The following VPS13A variants were observed in gnomAD, a reference collection of about 807,000 sequenced individuals.
VPS13A encodes the protein vacuolar protein sorting 13 homolog A, also known as intermembrane lipid transfer protein VPS13A.
VPS13A carries 264 observed loss-of-function variants against 390.9 expected under a neutral mutation model. The ratio of observed to expected loss-of-function variants is 0.68; its 90% CI spans 0.61 to 0.75. The LOEUF (loss-of-function observed/expected upper bound fraction) is 0.75, where lower values mean the gene tolerates loss of function less well. VPS13A is among the 30% of genes least tolerant of loss of function. The probability of loss-of-function intolerance (pLI) is 0.00; values close to 1 mark genes in which losing one functional copy is unlikely to be tolerated. For missense variants in VPS13A, 3,409 were observed against 3,733.9 expected (o/e 0.91, Z 2.27); for synonymous variants, 1,231 against 1,227.1 (o/e 1.00, Z -0.07).
intron 22 of VPS13A, among the ~76,000 whole-genome samples, chr9:77,255,391 C>T (rs1825382832): frequency 6.6e-6 from 1 of 152,040 alleles, no homozygotes; most frequent in Non-Finnish European, 1.5e-5. Flanking sequence ...TCCTCTTATT[C>T]TAGGAATAAA....
intron 22 of VPS13A, among the ~76,000 whole-genome samples, chr9:77,255,790 A>T (rs1342221153): frequency 6.6e-6 from 1 of 151,962 alleles, no homozygotes; most frequent in Non-Finnish European, 1.5e-5. Context: ...TTGGTGTAAA[A>T]TTGTTTGTAA....
At chr9:77,260,319 C>A in intron 23 of VPS13A, 95 bp downstream of exon 23, 7 of 1,175,698 alleles carry the variant, frequency 6.0e-6, no homozygotes, top group East Asian at 2.7e-5. Flanking sequence ...AGACAATTTG[C>A]AATTTGTTTT....
intron 10 of VPS13A, among the ~76,000 whole-genome samples, chr9:77,216,194 C>T (rs2131163635): frequency 1.3e-5 from 2 of 152,274 alleles, no homozygotes; most frequent in Middle Eastern, 6.8e-3. Flanking sequence ...TTTTTCTCTA[C>T]ATTCTCTGCC....
chr9:77,220,868 C>G (rs1823171973), intron 12 of VPS13A, among the ~76,000 whole-genome samples: 1 of 152,096 alleles, frequency 6.6e-6, no homozygotes, highest in African/African-American at 2.4e-5. Context: ...GTTACAATTA[C>G]TCTTTCAGTT....
intron 52 of VPS13A, among the ~76,000 whole-genome samples, chr9:77,349,929 C>A (rs1587637516): frequency 6.6e-6 from 1 of 152,116 alleles, no homozygotes; most frequent in East Asian, 1.9e-4. Context: ...CAGGCATGAA[C>A]CACCGCGCCC....
intron 63 of VPS13A, among the ~76,000 whole-genome samples, 154 bp downstream of exon 63, chr9:77,369,566 T>C (rs949840643): frequency 6.6e-6 from 1 of 152,202 alleles, no homozygotes; most frequent in Admixed American, 6.5e-5. Context: ...TAAGAGGTTT[T>C]GGGGGACATT....
intron 61 of VPS13A, 144 bp downstream of exon 61, chr9:77,367,016 T>C (rs749649827): frequency 4.3e-6 from 3 of 694,078 alleles, no homozygotes; most frequent in Non-Finnish European, 4.8e-6. Flanking sequence ...AAGTGCAATC[T>C]GAATAACACC....
chr9:77,214,183 G>C, intron 9 of VPS13A, 146 bp from the exon 10 acceptor site: 1 of 673,222 alleles, frequency 1.5e-6, no homozygotes, highest in Non-Finnish European at 2.7e-6. Flanking sequence ...GGCTGAGGCA[G>C]GAGAATCGCA....
Position 77,238,309 on chromosome 9 carries a change from C to T in VPS13A, c.1823C>T (p.Pro608Leu). Residue 608 changes from proline (P) to leucine (L), a missense_variant, in exon 19 of 72, where the codon CCA becomes CTA. Around this residue, in one of 5 missense-constraint regions of VPS13A, gnomAD observed 2,717 missense variants for 2,917.4 expected, o/e 0.93. Coordinates refer to ENST00000360280, the MANE Select transcript of VPS13A (RefSeq NM_033305.3). The part of the protein sequence containing the change: ...VNSIVEFFRP[P>L]KEVHLAQLTA... The stretch of plus-strand genomic sequence containing the variant: ...AGTATAGTGGAATTCTTCAGACCTC[C>T]AAAAGAGGTACATCTAGCACAGCTC... The T allele has an allele frequency of 6.2e-7, 1 of 1,613,850 alleles. No individual in the cohort carries two copies. Among genetic ancestry groups the T allele is most frequent in the African/African-American group, 1.3e-5 (1 of 74,984 alleles).
chr9:77,322,293 A>G lies in VPS13A; in HGVS notation c.5830+547A>G, dbSNP rs1304986368. Among the ~76,000 whole-genome samples, 5 of 151,546 alleles carry G rather than the reference A, an allele frequency of 3.3e-5. No homozygotes were observed. In the East Asian group the frequency reaches 7.7e-4, roughly 23 times the overall value. On this transcript the variant is annotated intron_variant, in intron 44 of 71. Coordinates refer to ENST00000360280, the MANE Select transcript of VPS13A (RefSeq NM_033305.3). ...TTCATTTTTATTGGAGGTGAAATAT[A>G]TACATTCTTAAAGTATCATAATATG...
intron 59 of VPS13A, among the ~76,000 whole-genome samples, chr9:77,364,369 G>A (rs1261727933): frequency 1.3e-5 from 2 of 152,086 alleles, no homozygotes; most frequent in Non-Finnish European, 2.9e-5. Flanking sequence ...AAGTTGCAGT[G>A]AGCCGAGATC....
In VPS13A at chr9:77,399,779, GT is replaced by G. The variant is rs1834290797; in HGVS notation, c.9190-3455del. Among the ~76,000 whole-genome samples the G allele has an allele frequency of 3.9e-5, 6 of 152,266 alleles. No homozygotes were observed. In the South Asian group the frequency reaches 1.2e-3, roughly 32 times the overall value. On this transcript the variant is annotated intron_variant, in intron 68 of 71. Coordinates refer to ENST00000360280, the MANE Select transcript of VPS13A (RefSeq NM_033305.3). ...CTTCAGAAGCCCAGTGATCAGTGCT[GT>G]TAATAGATTGATGTGTACCTTCCAG...
At chr9:77,370,145 G>A in intron 63 of VPS13A, 112 bp from the exon 64 acceptor site, 4 of 1,178,482 alleles carry the variant, frequency 3.4e-6, no homozygotes, top group African/African-American at 1.5e-5. Context: ...ACTTCCTCTG[G>A]GACAACATTA....
intron 39 of VPS13A, 115 bp downstream of exon 39, chr9:77,316,521 TTC>T: frequency 1.2e-6 from 1 of 843,280 alleles, no homozygotes; most frequent in East Asian, 2.7e-5. Context: ...TAAAATGTCT[TTC>T]TCTCTGCTTA....
At chr9:77,233,029 T>TAGG (rs1823925041) in intron 17 of VPS13A, among the ~76,000 whole-genome samples, 1 of 152,194 alleles carries the variant, frequency 6.6e-6, no homozygotes, top group Non-Finnish European at 1.5e-5. Context: ...AGTTTATAGG[T>TAGG]TTATAAGTAG....
intron 13 of VPS13A, among the ~76,000 whole-genome samples, chr9:77,224,755 C>T (rs377407588): frequency 5.8e-4 from 88 of 152,328 alleles, no homozygotes; most frequent in African/African-American, 1.9e-3. Flanking sequence ...GATAAAGCAG[C>T]ACTGCTGTTT....
chr9:77,397,116 A>C (rs1308814429), intron 68 of VPS13A, among the ~76,000 whole-genome samples: 1 of 152,122 alleles, frequency 6.6e-6, no homozygotes, highest in African/African-American at 2.4e-5. Flanking sequence ...CAGCCTCCCA[A>C]GTAGCTGGGA....
chr9:77,277,284 G>A (rs1826739538), intron 26 of VPS13A, among the ~76,000 whole-genome samples: 1 of 152,060 alleles, frequency 6.6e-6, no homozygotes, highest in African/African-American at 2.4e-5. Context: ...ATTTTTTAGA[G>A]CAGTTTTAGA....
At chr9:77,321,126 T>G (rs1829717799) in intron 42 of VPS13A, 43 bp from the exon 43 acceptor site, 1 of 1,552,232 alleles carries the variant, frequency 6.4e-7, no homozygotes, top group Admixed American at 1.7e-5. Flanking sequence ...TTATGTTGTG[T>G]TCTTAGAATT....
Sources: allele counts gnomAD v4.1 joint callset (sites outside exome capture counted in the v4.1 genomes callset), GRCh38; gene constraint gnomAD v4.1.1; regional missense constraint gnomAD v4.1.1; transcripts MANE v1.5; gene names NCBI Gene and HGNC (gene_info 2026-07-23, HGNC 2026-07-21).